Variants in VPS53 observed in about 807,000 individuals in gnomAD.
VPS53 encodes the protein vacuolar protein sorting-associated protein 53 homolog.
Under a neutral mutation model 107.0 loss-of-function variants are expected in VPS53, and 70 were observed. The ratio of observed to expected loss-of-function variants is 0.65; its 90% CI spans 0.54 to 0.80. VPS53 has a LOEUF of 0.80. Ranked by LOEUF, VPS53 falls within the 30% of genes least tolerant of loss-of-function variation. VPS53 has a pLI of 0.00. For synonymous variants in VPS53, 409 were observed against 393.3 expected (o/e 1.04, Z -0.47); for missense variants, 917 against 1,049.4 (o/e 0.87, Z 1.74).
At chr17:531,463 T>C (rs540544681) in intron 19 of VPS53, among the ~76,000 whole-genome samples, 8 of 152,154 alleles carry the variant, frequency 5.3e-5, no homozygotes, top group Non-Finnish European at 1.0e-4. Flanking sequence ...TTTCTGAAGA[T>C]ATTGGCTTTG....
chr17:690,168 G>C (rs886144247), intron 4 of VPS53, among the ~76,000 whole-genome samples: 6 of 152,150 alleles, frequency 3.9e-5, no homozygotes, highest in Non-Finnish European at 5.9e-5. Flanking sequence ...TGATAAAGTG[G>C]GGAGGTCATC....
chr17:660,820 C>T lies in VPS53; in HGVS notation c.372+989G>A, dbSNP rs576324294. Among the ~76,000 whole-genome samples the T allele has an allele frequency of 1.1e-4, 16 of 152,258 alleles. 1 individual carries two copies. The highest frequency in any genetic ancestry group is 3.9e-4 in the African/African-American group (16 of 41,544). On this transcript the variant is annotated intron_variant, in intron 5 of 21. Coordinates refer to ENST00000437048, the MANE Select transcript of VPS53 (RefSeq NM_001128159.3). ...TCACAACAACCCTGTGAGGCAAATG[C>T]CATTATTCTTATTTTACAGTTGAAG...
intron 11 of VPS53, among the ~76,000 whole-genome samples, chr17:603,739 A>G (rs1968430279): frequency 1.3e-5 from 2 of 152,254 alleles, no homozygotes. Flanking sequence ...ACATGAGAGA[A>G]AAAAAATCCT....
intron 2 of VPS53, among the ~76,000 whole-genome samples, chr17:699,793 T>C (rs1024346796): frequency 6.6e-6 from 1 of 152,104 alleles, no homozygotes; most frequent in Admixed American, 6.6e-5. Flanking sequence ...GCAACAAAAA[T>C]GAATGAATGC....
At chr17:635,350 T>C (rs1597411624) in intron 7 of VPS53, among the ~76,000 whole-genome samples, 1 of 152,246 alleles carries the variant, frequency 6.6e-6, no homozygotes, top group Non-Finnish European at 1.5e-5. Context: ...GTAGGTTGCC[T>C]GTTCACTTTG....
chr17:657,581 C>G (rs889717543), intron 5 of VPS53: 1 of 864,770 alleles, frequency 1.2e-6, no homozygotes, highest in Non-Finnish European at 1.9e-6. Context: ...GGACCTTTGT[C>G]TTCCGGTGCA....
intron 13 of VPS53, among the ~76,000 whole-genome samples, chr17:584,719 G>A (rs753954756): frequency 2.0e-5 from 3 of 151,982 alleles, no homozygotes; most frequent in Non-Finnish European, 2.9e-5. Context: ...TAAAGATGAG[G>A]TTTCAGCATG....
intron 12 of VPS53, among the ~76,000 whole-genome samples, chr17:596,114 T>C (rs1299979722): frequency 6.6e-6 from 1 of 152,250 alleles, no homozygotes; most frequent in Non-Finnish European, 1.5e-5. Flanking sequence ...TATGAGCCCA[T>C]AATTATTTCA....
intron 13 of VPS53, among the ~76,000 whole-genome samples, chr17:581,886 C>T: frequency 6.6e-6 from 1 of 151,202 alleles, no homozygotes; most frequent in Non-Finnish European, 1.5e-5. Flanking sequence ...CGCAGACAAC[C>T]TCCCTTGGAA....
In VPS53 at chr17:562,563, G is replaced by A. The variant is rs777124623; in HGVS notation, c.1496C>T (p.Thr499Ile). ...TTCTCGGAGGTACTTCTGGAAAATG[G>A]TGGTCAGGGCGATCATGGGCTCCCC... ...STGEPMIALT[T>I]IFQKYLREYA... is the part of the protein sequence containing the mutation. The change falls in exon 14 of 22, where the codon ACC (threonine) becomes ATC (isoleucine). Residue 499 changes from threonine to isoleucine, a missense_variant. Coordinates refer to ENST00000437048, the MANE Select transcript of VPS53 (RefSeq NM_001128159.3). 6.2e-7 allele frequency: 1 copy of A among 1,614,068 alleles called. No homozygotes were observed. The highest frequency in any genetic ancestry group is 1.1e-5 in the South Asian group (1 of 91,080).
In VPS53 at chr17:532,914, G is replaced by A; in HGVS notation, c.2016-3C>T. 1 of 1,613,360 alleles carries A rather than the reference G, an allele frequency of 6.2e-7. No homozygotes were observed. Among genetic ancestry groups the A allele is most frequent in the South Asian group, 1.1e-5 (1 of 90,898 alleles). On this transcript the variant is annotated splice_region_variant and splice_polypyrimidine_tract_variant and intron_variant, in intron 18 of 21. Coordinates refer to ENST00000437048, the MANE Select transcript of VPS53 (RefSeq NM_001128159.3). ...TGATGAATTTGGGAATGAAGGAGCT[G>A]TGGATAAAAAAGAAGTGACAAATTA...
intron 4 of VPS53, among the ~76,000 whole-genome samples, chr17:686,627 G>T: frequency 6.6e-6 from 1 of 152,120 alleles, no homozygotes; most frequent in East Asian, 1.9e-4. Context: ...AAGGGGCCTG[G>T]GATAATTCAG....
At chr17:664,449 T>C (rs1210933923) in intron 4 of VPS53, among the ~76,000 whole-genome samples, 3 of 152,110 alleles carry the variant, frequency 2.0e-5, no homozygotes, top group African/African-American at 4.8e-5. Flanking sequence ...CCTCGGTGTT[T>C]TGGAGGTCCG....
At chr17:577,232 A>C (rs1914701031) in intron 13 of VPS53, among the ~76,000 whole-genome samples, 1 of 150,294 alleles carries the variant, frequency 6.7e-6, no homozygotes, top group African/African-American at 2.5e-5. Flanking sequence ...CTCAGAACCT[A>C]ATCTTTCCCA....
intron 5 of VPS53, among the ~76,000 whole-genome samples, chr17:657,969 C>T (rs1038428332): frequency 1.4e-5 from 2 of 145,776 alleles, no homozygotes; most frequent in African/African-American, 2.6e-5. Context: ...GCAGGGAGTT[C>T]GTGGATAGAT....
At chr17:555,940 T>C (rs375252394) in intron 15 of VPS53, among the ~76,000 whole-genome samples, 1 of 152,132 alleles carries the variant, frequency 6.6e-6, no homozygotes, top group East Asian at 1.9e-4. Context: ...TAAGAAAAGA[T>C]TGCAGAGGGG....
chr17:706,366 G>A (rs533506428), intron 2 of VPS53, among the ~76,000 whole-genome samples: 1 of 151,778 alleles, frequency 6.6e-6, no homozygotes, highest in African/African-American at 2.4e-5. Context: ...GTGAAACCCC[G>A]TCTCTACTAA....
intron 12 of VPS53, among the ~76,000 whole-genome samples, chr17:595,633 G>A (rs1597357890): frequency 2.2e-5 from 2 of 92,738 alleles, no homozygotes; most frequent in South Asian, 5.1e-4. Context: ...GCTGGGAGAT[G>A]GGAAGGGGTC....
At chr17:705,337 C>T (rs980158763) in intron 2 of VPS53, among the ~76,000 whole-genome samples, 1 of 152,038 alleles carries the variant, frequency 6.6e-6, no homozygotes, top group African/African-American at 2.4e-5. Flanking sequence ...ATCTGTAATC[C>T]CAGCACTCGG....
Sources: gnomAD v4.1 joint callset for allele counts (sites outside exome capture counted in the v4.1 genomes callset) on GRCh38, gnomAD v4.1.1 for gene constraint, MANE v1.5 for transcripts, NCBI Gene and HGNC (gene_info 2026-07-23, HGNC 2026-07-21) for gene names.